The following KCNJ3 variants were observed in gnomAD, a reference collection of about 807,000 sequenced individuals.
The protein encoded by KCNJ3 is G protein-activated inward rectifier potassium channel 1.
In KCNJ3, 4 loss-of-function variants were observed where a neutral mutation model predicts 39.2. The ratio of observed to expected loss-of-function variants is 0.10; its 90% CI spans 0.05 to 0.23. The LOEUF (loss-of-function observed/expected upper bound fraction) is 0.23. KCNJ3 is among the 10% of genes least tolerant of loss of function. The pLI, the probability that KCNJ3 is intolerant of heterozygous loss-of-function variation, is 1.00. For missense variants in KCNJ3, 276 were observed against 634.9 expected (o/e 0.43, Z 6.08); for synonymous variants, 230 against 237.4 (o/e 0.97, Z 0.29).
rs759379496 is a variant in KCNJ3 at position 154,699,417 on chromosome 2, G to A, written c.642G>A (p.Arg214=). The A allele has an allele frequency of 1.2e-6, 2 of 1,604,824 alleles. No individual in the cohort carries two copies. The highest frequency in any genetic ancestry group is 1.3e-5 in the African/African-American group (1 of 75,038). ...ACGGAAAACTCACGCTTATGTTCCG[G>A]GTGGGCAACCTGCGCAACAGCCACA... ...MRDGKLTLMF[R]VGNLRNSHMV... Residue 214 remains arginine (R), a synonymous_variant, in exon 1 of 3, where the codon CGG becomes CGA. Coordinates refer to ENST00000295101, the MANE Select transcript of KCNJ3 (RefSeq NM_002239.4). This position sits in a 1 kb window ranked among gnomAD's most constrained non-coding sequence, Gnocchi z 6.4.
chr2:154,840,247 T>G (rs936809620), intron 2 of KCNJ3, among the ~76,000 whole-genome samples: 2 of 152,136 alleles, frequency 1.3e-5, no homozygotes, highest in African/African-American at 4.8e-5. Context: ...ATCAGATGGT[T>G]GTAGATGTGT....
chr2:154,770,253 T>G (rs1031188781), intron 2 of KCNJ3, among the ~76,000 whole-genome samples: 6 of 152,182 alleles, frequency 3.9e-5, no homozygotes, highest in Non-Finnish European at 5.9e-5. Context: ...ACAATCTTCT[T>G]TGAAATCCCA....
intron 2 of KCNJ3, among the ~76,000 whole-genome samples, chr2:154,772,637 A>G (rs930761946): frequency 6.6e-6 from 1 of 152,162 alleles, no homozygotes; most frequent in Non-Finnish European, 1.5e-5. Context: ...AAAAAAGAAT[A>G]TGTACTGTGT....
At chr2:154,780,343 G>T (rs1396860686) in intron 2 of KCNJ3, among the ~76,000 whole-genome samples, 1 of 152,176 alleles carries the variant, frequency 6.6e-6, no homozygotes, top group East Asian at 1.9e-4. Context: ...GCTGGATAGA[G>T]AATTGCTTTC....
chr2:154,768,997 T>G (rs1218177685), intron 2 of KCNJ3, among the ~76,000 whole-genome samples: 1 of 152,214 alleles, frequency 6.6e-6, no homozygotes, highest in Non-Finnish European at 1.5e-5. Flanking sequence ...TGTCTGTTAT[T>G]GGTGTAGAGG....
intron 2 of KCNJ3, among the ~76,000 whole-genome samples, chr2:154,738,058 TG>T (rs1467469939): frequency 6.6e-6 from 1 of 152,174 alleles, no homozygotes; most frequent in Non-Finnish European, 1.5e-5. Flanking sequence ...ACACTTATTT[TG>T]CTTCCAAATC....
intron 2 of KCNJ3, among the ~76,000 whole-genome samples, chr2:154,827,360 CT>C (rs1216405767): frequency 1.3e-5 from 2 of 152,118 alleles, no homozygotes; most frequent in Non-Finnish European, 2.9e-5. Context: ...CCTCTCATTC[CT>C]TTTCACTTGT....
chr2:154,750,766 C>G (rs1398474424), intron 2 of KCNJ3, among the ~76,000 whole-genome samples: 1 of 151,878 alleles, frequency 6.6e-6, no homozygotes. Context: ...TGCAACTCTT[C>G]CTTGTATAGA....
intron 2 of KCNJ3, among the ~76,000 whole-genome samples, chr2:154,778,712 GCT>G (rs1686380914): frequency 6.6e-6 from 1 of 152,012 alleles, no homozygotes; most frequent in Non-Finnish European, 1.5e-5. Context: ...ATATGCATAT[GCT>G]CTTTTTGGAA....
At chr2:154,750,430 G>A (rs1198555248) in intron 2 of KCNJ3, among the ~76,000 whole-genome samples, 1 of 151,904 alleles carries the variant, frequency 6.6e-6, no homozygotes, top group African/African-American at 2.4e-5. Context: ...CATTTAACAA[G>A]TTATGTTGTT....
intron 2 of KCNJ3, among the ~76,000 whole-genome samples, chr2:154,813,637 T>C (rs2105103606): frequency 6.6e-6 from 1 of 152,338 alleles, no homozygotes; most frequent in East Asian, 1.9e-4. Flanking sequence ...AAATATGTAT[T>C]ATGTAAATTT....
At chr2:154,749,100 T>A (rs2105180240) in intron 2 of KCNJ3, among the ~76,000 whole-genome samples, 1 of 152,206 alleles carries the variant, frequency 6.6e-6, no homozygotes, top group South Asian at 2.1e-4. Context: ...GAATGGGCAG[T>A]GGTGGAGTGA....
In KCNJ3 at chr2:154,851,845, T is replaced by A. The variant is rs575993216; in HGVS notation, c.920-2882T>A. 2.2e-3 allele frequency among the ~76,000 whole-genome samples: 331 copies of A among 152,246 alleles called. 1 individual carries two copies. Among genetic ancestry groups the A allele is most frequent in the African/African-American group, 7.6e-3 (316 of 41,550 alleles). On this transcript the variant is annotated intron_variant, in intron 2 of 2. Coordinates refer to ENST00000295101, the MANE Select transcript of KCNJ3 (RefSeq NM_002239.4). ...AATAATTGATGGCCAGTTTTCCCAA[T>A]ATTAAAATTTTATAAGATTTTATTT...
intron 2 of KCNJ3, among the ~76,000 whole-genome samples, chr2:154,733,896 T>C (rs1685482902): frequency 6.6e-6 from 1 of 152,112 alleles, no homozygotes; most frequent in Non-Finnish European, 1.5e-5. Flanking sequence ...AGACCTGACA[T>C]GTGTTTGTTG....
At chr2:154,726,663 A>C (rs1685362206) in intron 2 of KCNJ3, among the ~76,000 whole-genome samples, 1 of 152,102 alleles carries the variant, frequency 6.6e-6, no homozygotes, top group African/African-American at 2.4e-5. Context: ...TTGCACATGC[A>C]TGTTTATAGC....
intron 2 of KCNJ3, among the ~76,000 whole-genome samples, chr2:154,823,006 A>G (rs1687211039): frequency 6.6e-6 from 1 of 151,768 alleles, no homozygotes; most frequent in African/African-American, 2.4e-5. Context: ...TATGCATATG[A>G]ATATAATATT....
intron 2 of KCNJ3, among the ~76,000 whole-genome samples, chr2:154,831,781 T>G (rs572226045): frequency 9.2e-5 from 14 of 152,314 alleles, no homozygotes; most frequent in African/African-American, 2.4e-4. Context: ...TTACAGCACT[T>G]TGCAGGAGCA....
intron 2 of KCNJ3, among the ~76,000 whole-genome samples, chr2:154,796,523 C>A (rs892466545): frequency 6.6e-6 from 1 of 152,054 alleles, no homozygotes; most frequent in Non-Finnish European, 1.5e-5. Flanking sequence ...AGTTGAGGAT[C>A]CTGGGTCATG....
chr2:154,841,586 T>C (rs1687577962), intron 2 of KCNJ3, among the ~76,000 whole-genome samples: 2 of 152,176 alleles, frequency 1.3e-5, no homozygotes, highest in Admixed American at 1.3e-4. Flanking sequence ...TTGGTAGCTA[T>C]TAATTATTGC....
Sources: allele counts gnomAD v4.1 joint callset (sites outside exome capture counted in the v4.1 genomes callset), GRCh38; gene constraint gnomAD v4.1.1; non-coding constraint Gnocchi (gnomAD v3.1); transcripts MANE v1.5; gene names NCBI Gene and HGNC (gene_info 2026-07-23, HGNC 2026-07-21).